The following SSX7 variants were observed in gnomAD, a reference collection of about 807,000 sequenced individuals.
SSX7 encodes the protein protein SSX7.
In SSX7, 15 loss-of-function variants were observed where a neutral mutation model predicts 14.7. That is an observed-to-expected ratio of 1.02 (90% CI 0.68 to 1.58). SSX7 has a LOEUF of 1.58. Ranked by LOEUF, SSX7 falls within the 40% of genes most tolerant of loss-of-function variation. SSX7 has a pLI of 0.00. For synonymous variants in SSX7, 46 were observed against 50.6 expected, an observed-to-expected ratio of 0.91 and a Z score of 0.38; for missense variants, 178 against 146.8, an observed-to-expected ratio of 1.21 and a Z score of -1.10.
intron 3 of SSX7, among the ~76,000 whole-genome samples, chrX:52,652,635 C>A (rs1925472525): frequency 9.0e-6 from 1 of 110,583 alleles, no homozygotes; most frequent in African/African-American, 3.3e-5. Context: ...CTCATCAGAA[C>A]AGAAGCCTAA....
intron 3 of SSX7, 46 bp from the exon 4 acceptor site, chrX:52,652,393 C>A: frequency 1.0e-6 from 1 of 979,379 alleles, no homozygotes; most frequent in Non-Finnish European, 1.5e-6. Flanking sequence ...AAGCTTTGAC[C>A]TGTCACGGTG....
chrX:52,644,790 C>G, intron 7 of SSX7, 120 bp from the exon 8 acceptor site: 1 of 773,827 alleles, frequency 1.3e-6, no homozygotes, highest in East Asian at 3.2e-5. Context: ...ACCCCAGGAC[C>G]TGCACACGCC....
intron 6 of SSX7, among the ~76,000 whole-genome samples, chrX:52,647,143 G>C (rs1427773072): frequency 8.9e-6 from 1 of 112,170 alleles, no homozygotes; most frequent in African/African-American, 3.2e-5. Flanking sequence ...CTCTCTTCCA[G>C]TCCATGAAAG....
rs142279817 is a variant in SSX7 at position 52,650,065 on chromosome X, T to C, written c.330+288A>G. On this transcript the variant is annotated intron_variant, in intron 5 of 7. Coordinates refer to ENST00000298181, the MANE Select transcript of SSX7 (RefSeq NM_173358.2). ...AACCGAAGTGTGTGACTCATTATTA[T>C]TTGGAGATAATAATAGAAACAAAGT... Among the ~76,000 whole-genome samples the C allele has an allele frequency of 8.5e-4, 96 of 112,359 alleles. 1 individual carries two copies. Among genetic ancestry groups the C allele is most frequent in the African/African-American group, 2.8e-3 (87 of 31,001 alleles).
At position 52,653,289 on chromosome X, in the gene SSX7, T is replaced by G. The variant is rs1925500675; in HGVS notation, c.69+115A>C. 3 of 1,206,612 alleles carry G rather than the reference T, an allele frequency of 2.5e-6. No individual in the cohort carries two copies. The East Asian group carries it at 8.9e-5, about 36-fold the overall frequency. On this transcript the variant is annotated intron_variant, in intron 2 of 7. Coordinates refer to ENST00000298181, the MANE Select transcript of SSX7 (RefSeq NM_173358.2). The stretch of plus-strand genomic sequence containing the variant: ...GATGGGAGGCTCTCAAGGATCCAGA[T>G]CTCCCCCAAGACCCTGGTCCTTGTC...
rs1458149755 is a variant in SSX7 at position 52,644,611 on chromosome X, T to C, written c.*64A>G. ...GACGAGGGGTCCGCAGCCATGCCCATGTTCGTGAAAGGTCACCACGTTCTG... is the reference window on the plus strand; with the variant it reads ...GACGAGGGGTCCGCAGCCATGCCCACGTTCGTGAAAGGTCACCACGTTCTG... On this transcript the variant is annotated 3_prime_UTR_variant, in exon 8 of 8. Coordinates refer to ENST00000298181, the MANE Select transcript of SSX7 (RefSeq NM_173358.2). 25 of 1,192,924 alleles carry C rather than the reference T, an allele frequency of 2.1e-5. No individual in the cohort carries two copies. The highest frequency in any genetic ancestry group is 2.7e-5 in the Non-Finnish European group (24 of 892,613).
chrX:52,653,045 C>A, intron 2 of SSX7, 61 bp from the exon 3 acceptor site: 2 of 1,184,439 alleles, frequency 1.7e-6, no homozygotes, highest in Non-Finnish European at 2.3e-6. Context: ...TGCCATTCAG[C>A]TGGAGCCCCT....
intron 4 of SSX7, 86 bp from the exon 5 acceptor site, chrX:52,650,488 CAG>C (rs1356568388): frequency 2.9e-6 from 3 of 1,024,209 alleles, no homozygotes; most frequent in African/African-American, 3.7e-5. Flanking sequence ...TATTCTGCAG[CAG>C]AGTGTTATGA....
intron 5 of SSX7, among the ~76,000 whole-genome samples, chrX:52,649,087 C>G (rs1165192455): frequency 9.0e-6 from 1 of 111,359 alleles, no homozygotes; most frequent in African/African-American, 3.3e-5. Flanking sequence ...GGCTGCAGTG[C>G]AGTGGCACGA....
chrX:52,651,236 G>C (rs1355403528), intron 4 of SSX7, among the ~76,000 whole-genome samples: 1 of 111,522 alleles, frequency 9.0e-6, no homozygotes, highest in Non-Finnish European at 1.9e-5. Flanking sequence ...AAGACTATTT[G>C]GCTCTGATAA....
At chrX:52,653,319 G>A in intron 2 of SSX7, 85 bp downstream of exon 2, 1 of 1,208,929 alleles carries the variant, frequency 8.3e-7, no homozygotes, top group Non-Finnish European at 1.1e-6. Context: ...CTTGTCTCCA[G>A]TATCTCTGTC....
chrX:52,652,283 A>G lies in SSX7; in HGVS notation c.249T>C (p.Asp83=), dbSNP rs781972019. The G allele has an allele frequency of 3.2e-5, 39 of 1,207,195 alleles. No homozygotes were observed. Among genetic ancestry groups the G allele is most frequent in the Non-Finnish European group, 3.9e-5 (35 of 894,034 alleles). The change falls in exon 4 of 8, where the codon GAT becomes GAC. Residue 83 remains aspartate (D), a synonymous_variant. Transcript: ENST00000298181. ...TCCCTTGGTTACGGTCATTATCAAAATCATTCCCCTGGAGGTCTGTGGCCC... is the reference window on the plus strand; with the variant it reads ...TCCCTTGGTTACGGTCATTATCAAAGTCATTCCCCTGGAGGTCTGTGGCCC... ...NTGATDLQGN[D]FDNDRNQGNQ... is the part of the protein sequence containing the mutation.
chrX:52,644,602 C>A lies in SSX7; in HGVS notation c.*73G>T. 2.5e-6 allele frequency: 3 copies of A among 1,192,871 alleles called. No homozygotes were observed. The highest frequency in any genetic ancestry group is 3.4e-6 in the Non-Finnish European group (3 of 890,742). ...GCACCTGATGACGAGGGGTCCGCAG[C>A]CATGCCCATGTTCGTGAAAGGTCAC... On this transcript the variant is annotated 3_prime_UTR_variant, in exon 8 of 8. Transcript: ENST00000298181.
intron 4 of SSX7, among the ~76,000 whole-genome samples, chrX:52,651,704 C>T (rs1239610732): frequency 9.0e-6 from 1 of 110,915 alleles, no homozygotes; most frequent in South Asian, 3.9e-4. Flanking sequence ...GGTAAAACCC[C>T]GTCTCTACCA....
intron 1 of SSX7, among the ~76,000 whole-genome samples, chrX:52,654,364 G>GTTTTGTTTTTTTTT (rs1556767485): frequency 3.3e-5 from 2 of 60,925 alleles, no homozygotes; most frequent in Non-Finnish European, 5.5e-5. Context: ...ATTTGAGTGA[G>GTTTTGTTTTTTTTT]TTTTTTTTTT....
At position 52,648,394 on chromosome X, in the gene SSX7, G is replaced by T. The variant is rs782766635; in HGVS notation, c.333C>A (p.Ile111=). 6.6e-6 allele frequency: 8 copies of T among 1,209,559 alleles called. No homozygotes were observed. In the African/African-American group the frequency reaches 1.4e-4, roughly 21 times the overall value. ...FCRLQRIFPK[I]MPKKPAEEGN... is the part of the protein sequence containing the mutation. Reference sequence around the variant, plus strand: ...CTTCCTCTGCTGGCTTCTTGGGCATGATCTTTATAATGTGAAGGTCACAGA... The same window carrying T: ...CTTCCTCTGCTGGCTTCTTGGGCATTATCTTTATAATGTGAAGGTCACAGA... The change falls in exon 6 of 8, where the codon ATC becomes ATA. Residue 111 remains isoleucine, a splice_region_variant and synonymous_variant. Transcript: ENST00000298181.
At chrX:52,647,824 A>G (rs782625334) in intron 6 of SSX7, among the ~76,000 whole-genome samples, 2 of 112,211 alleles carry the variant, frequency 1.8e-5, no homozygotes, top group East Asian at 5.6e-4. Context: ...ACATTATTGC[A>G]GTGGTCTGGA....
chrX:52,650,456 A>G (rs2146497011), intron 4 of SSX7, 54 bp from the exon 5 acceptor site: 1 of 1,133,931 alleles, frequency 8.8e-7, no homozygotes, highest in South Asian at 1.8e-5. Flanking sequence ...TCCAAACTCT[A>G]GAGACTTCTG....
rs782395562 is a variant in SSX7, at chrX:52,652,881, A to G, written c.173T>C (p.Met58Thr). The change falls in exon 3 of 8, where the codon ATG (methionine) becomes ACG (threonine). Residue 58 changes from methionine to threonine, a missense_variant. By Grantham distance (81) the Met-to-Thr change is moderately conservative (BLOSUM62 -1). Transcript: ENST00000298181. ...YVYMKRKYEAMTKLGFKATLP... is the reference protein window; with the variant it reads ...YVYMKRKYEATTKLGFKATLP... ...GAACTTTCTGTTACCTAGTTTAGTC[A>G]TGGCCTCATACTTTCTCTTCATATA... The G allele has an allele frequency of 1.7e-6, 2 of 1,198,339 alleles. No individual in the cohort carries two copies. Among genetic ancestry groups the G allele is most frequent in the East Asian group, 3.0e-5 (1 of 33,297 alleles).
Sources: gnomAD v4.1 joint callset for allele counts (sites outside exome capture counted in the v4.1 genomes callset) on GRCh38, gnomAD v4.1.1 for gene constraint, MANE v1.5 for transcripts, NCBI Gene and HGNC (gene_info 2026-07-23, HGNC 2026-07-21) for gene names.